CSMD3: variants seen among roughly 807,000 people sequenced by gnomAD.
CSMD3 encodes the protein CUB and sushi domain-containing protein 3.
In CSMD3, 177 loss-of-function variants were observed where a neutral mutation model predicts 435.2. The observed-to-expected ratio is 0.41, with a 90% CI of 0.36 to 0.46. The LOEUF (loss-of-function observed/expected upper bound fraction) is 0.46, where lower values mean the gene tolerates loss of function less well. Ranked by LOEUF, CSMD3 falls within the 20% of genes least tolerant of loss-of-function variation. The pLI, the probability that CSMD3 is intolerant of heterozygous loss-of-function variation, is 0.34. For synonymous variants in CSMD3, 1,656 were observed against 1,520.5 expected (o/e 1.09, Z -2.07); for missense variants, 4,265 against 4,504.6 (o/e 0.95, Z 1.52).
intron 6 of CSMD3, among the ~76,000 whole-genome samples, chr8:112,984,159 A>G (rs1334105258): frequency 2.0e-5 from 3 of 151,936 alleles, no homozygotes; most frequent in African/African-American, 7.2e-5. Context: ...TATGAATATT[A>G]TATATGGGGT....
intron 10 of CSMD3, among the ~76,000 whole-genome samples, chr8:112,876,077 G>T (rs1190604414): frequency 6.6e-6 from 1 of 151,666 alleles, no homozygotes; most frequent in African/African-American, 2.4e-5. Flanking sequence ...CTTTGATGTC[G>T]GTGACCTTCT....
At chr8:113,241,266 T>C (rs1226255894) in intron 3 of CSMD3, among the ~76,000 whole-genome samples, 1 of 151,966 alleles carries the variant, frequency 6.6e-6, no homozygotes, top group African/African-American at 2.4e-5. Flanking sequence ...ATAGAGAAAA[T>C]AAATGTAGTT....
At chr8:113,349,353 T>C (rs188479971) in intron 1 of CSMD3, among the ~76,000 whole-genome samples, 89 of 152,284 alleles carry the variant, frequency 5.8e-4, no homozygotes, top group African/African-American at 1.9e-3. Context: ...AGCAAAAGAA[T>C]TGCTAGCTCA....
chr8:113,327,719 T>G (rs2093993824), intron 1 of CSMD3, among the ~76,000 whole-genome samples: 1 of 152,008 alleles, frequency 6.6e-6, no homozygotes, highest in South Asian at 2.1e-4. Flanking sequence ...TTATTTGGCC[T>G]GACATGGAGA....
intron 38 of CSMD3, among the ~76,000 whole-genome samples, chr8:112,364,242 C>T (rs72674746): frequency 6.6e-6 from 1 of 151,798 alleles, no homozygotes; most frequent in Non-Finnish European, 1.5e-5. Flanking sequence ...ACAACTACTA[C>T]AAGGGATAGA....
At chr8:112,704,834 C>T (rs961009917) in intron 13 of CSMD3, among the ~76,000 whole-genome samples, 14 of 152,006 alleles carry the variant, frequency 9.2e-5, no homozygotes, top group African/African-American at 2.4e-4. Flanking sequence ...CACTTTGAAA[C>T]GCTCCACAAT....
intron 3 of CSMD3, among the ~76,000 whole-genome samples, chr8:113,176,542 ATATT>A: frequency 6.6e-6 from 1 of 152,300 alleles, no homozygotes; most frequent in East Asian, 1.9e-4. Context: ...GTAGTGCTGC[ATATT>A]TAAACTTTTG....
chr8:112,638,215 T>C (rs959444185), intron 21 of CSMD3, among the ~76,000 whole-genome samples: 4 of 148,242 alleles, frequency 2.7e-5, no homozygotes, highest in East Asian at 3.9e-4. Flanking sequence ...TTAAAATATA[T>C]AATTTATTAT....
intron 38 of CSMD3, among the ~76,000 whole-genome samples, chr8:112,369,386 T>C (rs894326888): frequency 3.9e-5 from 6 of 152,188 alleles, no homozygotes; most frequent in Non-Finnish European, 7.3e-5. Flanking sequence ...GTTCCCCTTC[T>C]TTAATAAGCA....
At chr8:112,297,969 A>G (rs568192851) in intron 53 of CSMD3, among the ~76,000 whole-genome samples, 3 of 151,836 alleles carry the variant, frequency 2.0e-5, no homozygotes, top group African/African-American at 4.8e-5. Flanking sequence ...ATAAAAAAAG[A>G]ACAATTTTAC....
intron 13 of CSMD3, among the ~76,000 whole-genome samples, chr8:112,799,049 C>A (rs1283219774): frequency 6.6e-6 from 1 of 151,750 alleles, no homozygotes; most frequent in Admixed American, 6.6e-5. Context: ...GCCAATTGTT[C>A]TTTAAATTTT....
At chr8:112,957,849 G>T (rs982384489) in intron 7 of CSMD3, among the ~76,000 whole-genome samples, 1 of 152,108 alleles carries the variant, frequency 6.6e-6, no homozygotes, top group Non-Finnish European at 1.5e-5. Context: ...AGGATCAAGC[G>T]ATTCTCCTGC....
intron 20 of CSMD3, among the ~76,000 whole-genome samples, chr8:112,641,834 T>TA (rs2074836912): frequency 6.8e-6 from 1 of 147,006 alleles, no homozygotes; most frequent in Non-Finnish European, 1.5e-5. Flanking sequence ...AGGAAAAACA[T>TA]AAAAAACAAA....
At chr8:113,350,453 A>G (rs2094182737) in intron 1 of CSMD3, among the ~76,000 whole-genome samples, 1 of 152,142 alleles carries the variant, frequency 6.6e-6, no homozygotes, top group African/African-American at 2.4e-5. Context: ...TAAGGAGCAA[A>G]CAAGTACTAT....
intron 1 of CSMD3, among the ~76,000 whole-genome samples, chr8:113,433,839 G>C (rs1239753299): frequency 1.3e-5 from 2 of 152,078 alleles, no homozygotes; most frequent in African/African-American, 4.8e-5. Context: ...GCAGCTGGAG[G>C]CATTTCAGAA....
rs561133814 is a variant in CSMD3, at chr8:112,506,559, T to C, written c.4895+132A>G. ...ACAGTGGCAAAGCTAGAACAACTATTAGCACTGGGATAAGTAAAAAATAAC... is the reference window on the plus strand; with the variant it reads ...ACAGTGGCAAAGCTAGAACAACTATCAGCACTGGGATAAGTAAAAAATAAC... On this transcript the variant is annotated intron_variant, in intron 29 of 70. Transcript: ENST00000297405. 5 of 831,466 alleles carry C rather than the reference T, an allele frequency of 6.0e-6. No individual in the cohort carries two copies. In the South Asian group the frequency reaches 7.9e-5, roughly 13 times the overall value. The allele number at this position is 831,466 out of a possible 1,614,324, so 51.5% of individuals were successfully genotyped here. A position where few individuals can be genotyped will look rare whatever the true frequency, so the allele number is the denominator to read the frequency against.
Position 113,252,278 on chromosome 8 carries a change from T to A in CSMD3, c.514+26314A>T, listed in dbSNP as rs187440952. On this transcript the variant is annotated intron_variant, in intron 3 of 70. Transcript: ENST00000297405. Reference sequence around the variant, plus strand: ...AAACCAATGTCTGGAACATTGGTTTTCACAGCTATTGTCATTCCTAAGAGA... The same window carrying A: ...AAACCAATGTCTGGAACATTGGTTTACACAGCTATTGTCATTCCTAAGAGA... Among the ~76,000 whole-genome samples the A allele has an allele frequency of 2.6e-5, 4 of 152,208 alleles. No individual in the cohort carries two copies. In the East Asian group the frequency reaches 7.7e-4, roughly 29 times the overall value.
chr8:112,765,016 G>C (rs527483736), intron 13 of CSMD3, among the ~76,000 whole-genome samples: 10 of 151,574 alleles, frequency 6.6e-5, no homozygotes, highest in Admixed American at 4.6e-4. Context: ...CATAGTGAAT[G>C]AGAGGTAAGA....
chr8:112,661,346 T>C (rs1305155647), intron 17 of CSMD3, among the ~76,000 whole-genome samples: 1 of 152,160 alleles, frequency 6.6e-6, no homozygotes, highest in African/African-American at 2.4e-5. Flanking sequence ...TAAAGGTATC[T>C]AAACAAGATA....
Sources: allele counts gnomAD v4.1 joint callset (sites outside exome capture counted in the v4.1 genomes callset), GRCh38; gene constraint gnomAD v4.1.1; transcripts MANE v1.5; gene names NCBI Gene and HGNC (gene_info 2026-07-23, HGNC 2026-07-21).